Variants in FSIP2 observed in about 807,000 individuals in gnomAD.
The protein encoded by FSIP2 is fibrous sheath-interacting protein 2.
A neutral mutation model predicts 510.5 loss-of-function variants in FSIP2; 367 were observed. The ratio of observed to expected loss-of-function variants is 0.72; its 90% CI spans 0.66 to 0.78. The LOEUF is 0.78. Among genes scored for constraint, FSIP2 ranks in the 30% least tolerant of loss-of-function variants. FSIP2 has a pLI of 0.00. For synonymous variants in FSIP2, 2,601 were observed against 2,732.2 expected (o/e 0.95, Z 1.50); for missense variants, 7,594 against 7,901.7 (o/e 0.96, Z 1.48).
intron 17 of FSIP2, among the ~76,000 whole-genome samples, chr2:185,810,196 G>A (rs1693696118): frequency 6.6e-6 from 1 of 152,008 alleles, no homozygotes; most frequent in East Asian, 1.9e-4. Flanking sequence ...CCCTGATATA[G>A]TTTGATATTT....
intron 14 of FSIP2, 62 bp downstream of exon 14, chr2:185,782,824 C>A: frequency 1.2e-6 from 1 of 850,946 alleles, no homozygotes; most frequent in Non-Finnish European, 1.9e-6. Flanking sequence ...AAGAGTGCTG[C>A]TCATAAGCAA....
intron 21 of FSIP2, 85 bp from the exon 22 acceptor site, chr2:185,831,728 A>G (rs1574212337): frequency 3.7e-6 from 3 of 802,888 alleles, no homozygotes; most frequent in Non-Finnish European, 6.7e-6. Flanking sequence ...TTATAGGTAT[A>G]TCTAGTGGAT....
At chr2:185,777,347 C>T (rs560784832) in intron 13 of FSIP2, among the ~76,000 whole-genome samples, 11 of 149,570 alleles carry the variant, frequency 7.4e-5, no homozygotes, top group East Asian at 3.9e-4. Flanking sequence ...ATATCTTCTG[C>T]GAATAATAAA....
chr2:185,831,714 GTATT>G, intron 21 of FSIP2, 95 bp from the exon 22 acceptor site: 1 of 747,796 alleles, frequency 1.3e-6, no homozygotes, highest in Non-Finnish European at 2.5e-6. Flanking sequence ...TGCTGTAGTG[GTATT>G]TATAGGTATA....
chr2:185,817,910 C>A (rs1348624929), intron 19 of FSIP2, among the ~76,000 whole-genome samples: 1 of 151,876 alleles, frequency 6.6e-6, no homozygotes, highest in African/African-American at 2.4e-5. Context: ...AACAGTAATT[C>A]TGCTTTTGGT....
At chr2:185,771,267 T>A (rs1039247507) in intron 13 of FSIP2, among the ~76,000 whole-genome samples, 3 of 152,206 alleles carry the variant, frequency 2.0e-5, no homozygotes, top group Non-Finnish European at 4.4e-5. Flanking sequence ...GGACTCAGTG[T>A]GAGTTCTTCA....
intron 7 of FSIP2, 87 bp from the exon 8 acceptor site, chr2:185,753,635 C>G (rs1692189153): frequency 1.5e-6 from 1 of 656,418 alleles, no homozygotes; most frequent in African/African-American, 1.9e-5. Context: ...TATCCATTTT[C>G]AAAATATTGT....
chr2:185,809,735 A>G (rs904837862), intron 17 of FSIP2, among the ~76,000 whole-genome samples: 1 of 151,776 alleles, frequency 6.6e-6, no homozygotes, highest in African/African-American at 2.4e-5. Context: ...TTTTCTTTCC[A>G]CTTACACACT....
rs920813344 is a variant in FSIP2 at position 185,803,719 on chromosome 2, A to G, written c.14413A>G (p.Ile4805Val). The G allele has an allele frequency of 3.9e-6, 6 of 1,532,920 alleles. No individual in the cohort carries two copies. In the African/African-American group the frequency reaches 4.1e-5, roughly 11 times the overall value. 95.0% of individuals were successfully genotyped at this position (1,532,920 alleles called of 1,614,324 possible). Residue 4805 changes from isoleucine to valine, a missense_variant, in exon 17 of 23, where the codon ATA (isoleucine) becomes GTA (valine). Ile to Val is a conservative substitution (Grantham distance 29, BLOSUM62 3). Coordinates refer to ENST00000424728, the MANE Select transcript of FSIP2 (RefSeq NM_173651.4). The stretch of plus-strand genomic sequence containing the variant: ...AATAGTTACTCAGCTTACATCTCAG[A>G]TAAGTCCATTGAACACCAGTGCAGA... ...EKIVTQLTSQ[I>V]SPLNTSAEQS...
chr2:185,816,193 T>G (rs1169296800), intron 19 of FSIP2, among the ~76,000 whole-genome samples: 2 of 107,246 alleles, frequency 1.9e-5, no homozygotes, highest in South Asian at 7.3e-4. Context: ...CACAGAAAAA[T>G]CTAGTGATTT....
chr2:185,791,118 C>T lies in FSIP2; in HGVS notation c.3982C>T (p.Leu1328Phe). 6.5e-7 allele frequency: 1 copy of T among 1,530,906 alleles called. No individual in the cohort carries two copies. The highest frequency in any genetic ancestry group is 1.2e-5 in the South Asian group (1 of 83,722). 94.8% of individuals were successfully genotyped at this position (1,530,906 alleles called of 1,614,324 possible). Reference sequence around the variant, plus strand: ...TAGGGAGATTGACCATACCAAATCCCTTACAGATAAAGGATTTTTTGCTAA... The same window carrying T: ...TAGGGAGATTGACCATACCAAATCCTTTACAGATAAAGGATTTTTTGCTAA... ...NLREIDHTKS[L>F]TDKGFFANTD... The change falls in exon 16 of 23, where the codon CTT becomes TTT. Residue 1328 changes from leucine (L) to phenylalanine (F), a missense_variant. Coordinates refer to ENST00000424728, the MANE Select transcript of FSIP2 (RefSeq NM_173651.4).
At chr2:185,816,990 G>A (rs1686130540) in intron 19 of FSIP2, among the ~76,000 whole-genome samples, 1 of 141,246 alleles carries the variant, frequency 7.1e-6, no homozygotes, top group African/African-American at 2.5e-5. Context: ...AAAAGGAAGG[G>A]AAGAAGGGGA....
rs773372908 is a variant in FSIP2, at chr2:185,808,615, A to C, written c.19309A>C (p.Lys6437Gln). The change falls in exon 17 of 23, where the codon AAA becomes CAA. Residue 6437 changes from lysine (K) to glutamine (Q), a missense_variant. By Grantham distance (53) the Lys-to-Gln change is moderately conservative. Coordinates refer to ENST00000424728, the MANE Select transcript of FSIP2 (RefSeq NM_173651.4). ...SNILQQSGTN[K>Q]EFYYDIKDTN... ...CATACTGCAACAATCAGGAACCAACAAAGAATTTTATTATGATATAAAAGA... is the reference window on the plus strand; with the variant it reads ...CATACTGCAACAATCAGGAACCAACCAAGAATTTTATTATGATATAAAAGA... The C allele has an allele frequency of 2.5e-6, 4 of 1,603,290 alleles. No homozygotes were observed.
Position 185,794,314 on chromosome 2 carries a change from T to C in FSIP2, c.7178T>C (p.Val2393Ala), listed in dbSNP as rs1213183953. 2 of 1,523,304 alleles carry C rather than the reference T, an allele frequency of 1.3e-6. No individual in the cohort carries two copies. Among genetic ancestry groups the C allele is most frequent in the South Asian group, 1.2e-5 (1 of 81,964 alleles). The allele number at this position is 1,523,304 out of a possible 1,614,324, so 94.4% of individuals were successfully genotyped here. The change falls in exon 16 of 23, where the codon GTT becomes GCT. Residue 2393 changes from valine (V) to alanine (A), a missense_variant. Transcript: ENST00000424728. Reference protein sequence around the residue: ...FQENIIVSEIVDSMLKMLDDK... With the variant: ...FQENIIVSEIADSMLKMLDDK... Reference sequence around the variant, plus strand: ...GAAAACATCATTGTGAGTGAAATTGTTGACAGTATGTTAAAGATGTTAGAT... The same window carrying C: ...GAAAACATCATTGTGAGTGAAATTGCTGACAGTATGTTAAAGATGTTAGAT...
intron 9 of FSIP2, among the ~76,000 whole-genome samples, chr2:185,757,358 A>T (rs945886044): frequency 1.3e-5 from 2 of 151,340 alleles, no homozygotes; most frequent in African/African-American, 2.4e-5. Flanking sequence ...CAGACCTGTA[A>T]ATTTAATTAA....
Position 185,824,498 on chromosome 2 carries a change from T to G in FSIP2, c.20473+18T>G. 6.8e-7 allele frequency: 1 copy of G among 1,470,842 alleles called. No homozygotes were observed. Among genetic ancestry groups the G allele is most frequent in the Non-Finnish European group, 9.4e-7 (1 of 1,065,956 alleles). 91.1% of individuals were successfully genotyped at this position (1,470,842 alleles called of 1,614,324 possible). On this transcript the variant is annotated intron_variant, in intron 20 of 22. Coordinates refer to ENST00000424728, the MANE Select transcript of FSIP2 (RefSeq NM_173651.4). ...ATTAGAAGGTTGGACTCCTTTTTCT[T>G]AAATTAGAGAGTATTTTTTACTACT...
rs1363260799 is a variant in FSIP2, at chr2:185,795,255, T to C, written c.8119T>C (p.Ser2707Pro). The C allele has an allele frequency of 1.3e-6, 2 of 1,535,062 alleles. No individual in the cohort carries two copies. The highest frequency in any genetic ancestry group is 2.4e-5 in the South Asian group (2 of 84,046). The change falls in exon 16 of 23, where the codon TCC (serine) becomes CCC (proline). Residue 2707 changes from serine to proline, a missense_variant. Physicochemically the swap from Ser to Pro is moderately conservative, Grantham distance 74 (BLOSUM62 -1). Transcript: ENST00000424728. ...AGAGAAGACCCTAAAAGACAGCAGATCCAAGACTGCCATTGGGTTGTCACA... is the reference window on the plus strand; with the variant it reads ...AGAGAAGACCCTAAAAGACAGCAGACCCAAGACTGCCATTGGGTTGTCACA... ...PGEKTLKDSR[S>P]KTAIGLSHIM...
intron 13 of FSIP2, among the ~76,000 whole-genome samples, chr2:185,768,577 AT>A (rs1692544021): frequency 6.6e-6 from 1 of 151,756 alleles, no homozygotes; most frequent in Non-Finnish European, 1.5e-5. Context: ...TATTTTCCAT[AT>A]TTATGTTGTT....
intron 9 of FSIP2, among the ~76,000 whole-genome samples, chr2:185,759,846 A>G (rs1252671149): frequency 6.6e-6 from 1 of 150,498 alleles, no homozygotes; most frequent in Non-Finnish European, 1.5e-5. Context: ...TTTGTGTAAA[A>G]TTAGCATAAT....
Sources: allele counts gnomAD v4.1 joint callset (sites outside exome capture counted in the v4.1 genomes callset), GRCh38; gene constraint gnomAD v4.1.1; transcripts MANE v1.5; gene names NCBI Gene and HGNC (gene_info 2026-07-23, HGNC 2026-07-21).